SSH3: variants seen among roughly 807,000 people sequenced by gnomAD.
SSH3 encodes slingshot protein phosphatase 3, also known as protein phosphatase Slingshot homolog 3.
A neutral mutation model predicts 75.0 loss-of-function variants in SSH3; 67 were observed. The observed-to-expected ratio is 0.89, with a 90% CI of 0.73 to 1.10. The LOEUF is 1.10. SSH3 is among the 50% of genes least tolerant of loss of function. The pLI is 0.00. For synonymous variants in SSH3, 318 were observed against 349.2 expected, an observed-to-expected ratio of 0.91 and a Z score of 1.00; for missense variants, 824 against 872.7, an observed-to-expected ratio of 0.94 and a Z score of 0.70.
In SSH3 at chr11:67,310,313, A is replaced by G; in HGVS notation, c.1657A>G (p.Thr553Ala). The change falls in exon 13 of 14, where the codon ACC becomes GCC. Residue 553 changes from threonine (T) to alanine (A), a missense_variant. Transcript: ENST00000308127. The stretch of plus-strand genomic sequence containing the variant: ...GGAGCCCTCCTTGGAGCTGGAGAGC[A>G]CCTCAGAGACCAGTGACATGCCAGA... ...LLEPSLELES[T>A]SETSDMPEVF... is the part of the protein sequence containing the mutation. The G allele has an allele frequency of 6.2e-7, 1 of 1,611,774 alleles. No individual in the cohort carries two copies. The highest frequency in any genetic ancestry group is 8.5e-7 in the Non-Finnish European group (1 of 1,178,474).
intron 1 of SSH3, chr11:67,303,910 C>T: frequency 2.6e-6 from 2 of 771,226 alleles, no homozygotes; most frequent in Middle Eastern, 3.2e-4. Flanking sequence ...CCGATCTGAG[C>T]GCGCCCCCCG....
chr11:67,304,918 G>A lies in SSH3; in HGVS notation c.250G>A (p.Gly84Arg). Reference sequence around the variant, plus strand: ...CGGGGACCAGACAGACTTCGGGCAAGGATCCCAGAGTCCCCAGAAGCAGGA... The same window carrying A: ...CGGGGACCAGACAGACTTCGGGCAAAGATCCCAGAGTCCCCAGAAGCAGGA... ...LHGDQTDFGQGSQSPQKQEEQ... is the reference protein window; with the variant it reads ...LHGDQTDFGQRSQSPQKQEEQ... Residue 84 changes from glycine (G) to arginine (R), a missense_variant, in exon 3 of 14, where the codon GGA (glycine) becomes AGA (arginine). Physicochemically the swap from Gly to Arg is moderately radical, Grantham distance 125. Coordinates refer to ENST00000308127, the MANE Select transcript of SSH3 (RefSeq NM_017857.4). 1.2e-6 allele frequency: 2 copies of A among 1,613,798 alleles called. No homozygotes were observed. The highest frequency in any genetic ancestry group is 1.7e-6 in the Non-Finnish European group (2 of 1,180,002).
intron 3 of SSH3, 116 bp from the exon 4 acceptor site, chr11:67,306,722 A>C: frequency 8.2e-7 from 1 of 1,218,042 alleles, no homozygotes; most frequent in Non-Finnish European, 1.1e-6. Context: ...ACATCTGGGA[A>C]GAGGGGGGAT....
At chr11:67,306,576 G>A (rs773359975) in intron 3 of SSH3, among the ~76,000 whole-genome samples, 59 of 152,352 alleles carry the variant, frequency 3.9e-4, no homozygotes, top group Non-Finnish European at 6.2e-4. Context: ...ACTCCAGCCT[G>A]GGCGACAGAG....
rs1565088769 is a variant in SSH3, at chr11:67,307,243, G to A, written c.537-128G>A. ...CTCTGGGGCCTGCTCCCAGCTCCAC[G>A]TCAGATTCACCGTGATCCTGAGCAA... On this transcript the variant is annotated intron_variant, in intron 5 of 13. Coordinates refer to ENST00000308127, the MANE Select transcript of SSH3 (RefSeq NM_017857.4). This position sits in a 1 kb window ranked among gnomAD's most constrained non-coding sequence, Gnocchi z 4.2. The A allele has an allele frequency of 4.5e-6, 7 of 1,554,502 alleles. No individual in the cohort carries two copies. The highest frequency in any genetic ancestry group is 2.7e-5 in the African/African-American group (2 of 73,664).
At chr11:67,310,366 C>T in intron 13 of SSH3, 27 bp downstream of exon 13, 1 of 1,578,604 alleles carries the variant, frequency 6.3e-7, no homozygotes, top group Non-Finnish European at 8.6e-7. Flanking sequence ...GGGAGCTCAG[C>T]TTGCAGGGGT....
rs762879108 is a variant in SSH3 at position 67,308,186 on chromosome 11, C to T, written c.898C>T (p.Leu300=). The change falls in exon 9 of 14, where the codon CTG becomes TTG. Residue 300 remains leucine (L), a synonymous_variant. Coordinates refer to ENST00000308127, the MANE Select transcript of SSH3 (RefSeq NM_017857.4). The surrounding 1 kb of genome is among the most constrained non-coding windows in gnomAD (Gnocchi z 4.9). ...GCTCTGCCTGCAGATCCGCCAGGCT[C>T]TGGAGCTGCGCCTGGGGCTCCCCCT... ...SVTSKEIRQA[L]ELRLGLPLQQ... is the part of the protein sequence containing the mutation. 6 of 1,613,486 alleles carry T rather than the reference C, an allele frequency of 3.7e-6. No homozygotes were observed. In the East Asian group the frequency reaches 1.3e-4, roughly 36 times the overall value.
intron 1 of SSH3, 62 bp downstream of exon 1, chr11:67,303,753 C>T: frequency 1.4e-6 from 2 of 1,402,714 alleles, no homozygotes; most frequent in South Asian, 1.5e-5. Context: ...GGAGCGCGTC[C>T]TGCCCGCCAG....
chr11:67,307,174 G>C lies in SSH3; in HGVS notation c.536+61G>C. ...TGGAATAACTGAGTGTGACGGATGT[G>C]ACGGGGCCTGGGCACCAGGGTACAG... On this transcript the variant is annotated intron_variant, in intron 5 of 13. Transcript: ENST00000308127. This position sits in a 1 kb window ranked among gnomAD's most constrained non-coding sequence, Gnocchi z 4.2. The C allele has an allele frequency of 1.3e-6, 2 of 1,598,782 alleles. No homozygotes were observed. Among genetic ancestry groups the C allele is most frequent in the South Asian group, 2.2e-5 (2 of 90,084 alleles).
rs142181326 is a variant in SSH3 at position 67,310,224 on chromosome 11, A to G, written c.1568A>G (p.Lys523Arg). 38 of 1,614,038 alleles carry G rather than the reference A, an allele frequency of 2.4e-5. 1 individual carries two copies. Among genetic ancestry groups the G allele is most frequent in the Non-Finnish European group, 3.1e-5 (37 of 1,180,036 alleles). ...ATGGAAGAGAGCCAGGCAGCCCCGA[A>G]AGAAGAGCCTGGGCCACGGCCACGT... ...VGMEESQAAP[K>R]EEPGPRPRIN... is the part of the protein sequence containing the mutation. Residue 523 changes from lysine to arginine, a missense_variant, in exon 13 of 14, where the codon AAA becomes AGA. Lys to Arg is a conservative substitution (Grantham distance 26, BLOSUM62 2). Coordinates refer to ENST00000308127, the MANE Select transcript of SSH3 (RefSeq NM_017857.4).
At position 67,308,118 on chromosome 11, in the gene SSH3, G is replaced by A; in HGVS notation, c.886-56G>A. 1.3e-6 allele frequency: 2 copies of A among 1,592,722 alleles called. No homozygotes were observed. The highest frequency in any genetic ancestry group is 8.5e-7 in the Non-Finnish European group (1 of 1,169,678). ...TCCTCAGAGGTCCCAGAGGGAAGGT[G>A]GCAGGTTGGGCACTAGGAGAGCCCC... On this transcript the variant is annotated intron_variant, in intron 8 of 13. Transcript: ENST00000308127. The surrounding 1 kb of genome is among the most constrained non-coding windows in gnomAD (Gnocchi z 4.9).
At chr11:67,304,739 G>T in intron 2 of SSH3, 34 bp from the exon 3 acceptor site, 1 of 1,563,302 alleles carries the variant, frequency 6.4e-7, no homozygotes, top group Non-Finnish European at 8.7e-7. Flanking sequence ...TAAGGGGAAT[G>T]AGGAGCCATG....
rs754252660 is a variant in SSH3, at chr11:67,304,820, G to A, written c.152G>A (p.Gly51Glu). ...GGGGCTGTCCTGGGACTGCAGGATG[G>A]AGGGGACAATGATGATGCAGCAGAG... ...LRGAVLGLQD[G>E]GDNDDAAEAS... The change falls in exon 3 of 14, where the codon GGA (glycine) becomes GAA (glutamate). Residue 51 changes from glycine (G) to glutamate (E), a missense_variant. Gly to Glu is a moderately conservative substitution (Grantham distance 98). Coordinates refer to ENST00000308127, the MANE Select transcript of SSH3 (RefSeq NM_017857.4). The A allele has an allele frequency of 6.3e-5, 102 of 1,612,992 alleles. No individual in the cohort carries two copies. Among genetic ancestry groups the A allele is most frequent in the Non-Finnish European group, 8.4e-5 (99 of 1,179,770 alleles).
In SSH3 at chr11:67,309,496, G is replaced by C; in HGVS notation, c.1161G>C (p.Gln387His). ...GCCTCTGGGATGAGGAGTCGGCCCA[G>C]CTGCTGCCGCACTGGAAGGAGACGC... is the stretch of plus-strand genomic sequence containing the variant. The part of the protein sequence containing the change: ...NVRLWDEESA[Q>H]LLPHWKETHR... Residue 387 changes from glutamine (Q) to histidine (H), a missense_variant, in exon 11 of 14, where the codon CAG becomes CAC. By Grantham distance (24) the Gln-to-His change is conservative. Transcript: ENST00000308127. The C allele has an allele frequency of 6.2e-7, 1 of 1,614,136 alleles. No individual in the cohort carries two copies. The highest frequency in any genetic ancestry group is 8.5e-7 in the Non-Finnish European group (1 of 1,180,042).
chr11:67,306,806 A>G (rs1197176049), intron 3 of SSH3, 32 bp from the exon 4 acceptor site: 18 of 1,588,144 alleles, frequency 1.1e-5, no homozygotes, highest in Non-Finnish European at 1.4e-5. Context: ...CCTTGGGGCC[A>G]CTGTGACCCT....
At position 67,306,846 on chromosome 11, in the gene SSH3, G is replaced by C; in HGVS notation, c.348G>C (p.Gln116His). The part of the protein sequence containing the change: ...RPQDDIRLAA[Q>H]LEAPRPPRLR... ...TCCTCATCTCCCCCCAGGCAGCCCAGCTGGAGGCACCCCGGCCTCCCCGGC... is the reference window on the plus strand; with the variant it reads ...TCCTCATCTCCCCCCAGGCAGCCCACCTGGAGGCACCCCGGCCTCCCCGGC... The change falls in exon 4 of 14, where the codon CAG (glutamine) becomes CAC (histidine). Residue 116 changes from glutamine to histidine, a missense_variant. Gln to His is a conservative substitution (Grantham distance 24). Coordinates refer to ENST00000308127, the MANE Select transcript of SSH3 (RefSeq NM_017857.4). 6.2e-7 allele frequency: 1 copy of C among 1,611,278 alleles called. No homozygotes were observed. Among genetic ancestry groups the C allele is most frequent in the Non-Finnish European group, 8.5e-7 (1 of 1,178,464 alleles).
chr11:67,303,791 G>A, intron 1 of SSH3, 100 bp downstream of exon 1: 4 of 1,287,654 alleles, frequency 3.1e-6, no homozygotes, highest in Admixed American at 3.5e-5. Context: ...GGGACATGAG[G>A]AGGGGGCCCC....
chr11:67,309,235 C>T, intron 10 of SSH3, 162 bp from the exon 11 acceptor site: 1 of 851,752 alleles, frequency 1.2e-6, no homozygotes, highest in Non-Finnish European at 1.8e-6. Flanking sequence ...TCTAAGGTCG[C>T]AGCCAGGTGA....
Position 67,310,200 on chromosome 11 carries a change from TG to T in SSH3, c.1546del (p.Glu516LysfsTer17), listed in dbSNP as rs776881798. 1.2e-6 allele frequency: 2 copies of T among 1,614,140 alleles called. No individual in the cohort carries two copies. Among genetic ancestry groups the T allele is most frequent in the South Asian group, 2.2e-5 (2 of 91,084 alleles). On this transcript the variant is annotated frameshift_variant, in exon 13 of 14. Coordinates refer to ENST00000308127, the MANE Select transcript of SSH3 (RefSeq NM_017857.4). Reference protein sequence around the residue: ...EGGGEEKVVGMEESQAAPKEE... With the variant: ...EGGGEEKVVGXEESQAAPKEE... ...GGTGGGGAGGAGAAGGTTGTAGGCA[TG>T]GAAGAGAGCCAGGCAGCCCCGAAAG...
Sources: gnomAD v4.1 joint callset for allele counts (sites outside exome capture counted in the v4.1 genomes callset) on GRCh38, gnomAD v4.1.1 for gene constraint, Gnocchi (gnomAD v3.1) non-coding constraint, MANE v1.5 for transcripts, NCBI Gene and HGNC (gene_info 2026-07-23, HGNC 2026-07-21) for gene names.